Variants in TSNAX observed in about 807,000 individuals in gnomAD.
The protein encoded by TSNAX is translin associated factor X.
A neutral mutation model predicts 33.0 loss-of-function variants in TSNAX; 12 were observed. That is an observed-to-expected ratio of 0.36 (90% CI 0.23 to 0.59). The LOEUF (loss-of-function observed/expected upper bound fraction) is 0.59. Among genes scored for constraint, TSNAX ranks in the 20% least tolerant of loss-of-function variants. The pLI is 0.74. For missense variants in TSNAX, 267 were observed against 341.3 expected (o/e 0.78, Z 1.72); for synonymous variants, 110 against 117.2 (o/e 0.94, Z 0.40).
chr1:231,540,057 C>T (rs956125592), intron 3 of TSNAX, among the ~76,000 whole-genome samples: 1 of 151,572 alleles, frequency 6.6e-6, no homozygotes, highest in African/African-American at 2.4e-5. Context: ...TGGTGGCATC[C>T]CAGCTACTCG....
chr1:231,559,317 T>TTTGTTGTTGTTGTTGTTG (rs71179786), intron 4 of TSNAX, among the ~76,000 whole-genome samples: 4 of 151,328 alleles, frequency 2.6e-5, no homozygotes, highest in Middle Eastern at 3.4e-3. Flanking sequence ...TAGAATATAG[T>TTTGTTGTTGTTGTTGTTG]TTGTTGTTGT....
rs1658505491 is a variant in TSNAX, at chr1:231,529,447, T to A, written c.121+88T>A. ...GCGCAAGAAAACAGTCCCTAAGAAT[T>A]TAATGTGAAACTTTAGCTGGAGGTT... On this transcript the variant is annotated intron_variant, in intron 2 of 5. Transcript: ENST00000366639. 4 of 1,347,180 alleles carry A rather than the reference T, an allele frequency of 3.0e-6. No homozygotes were observed. The African/African-American group carries it at 5.8e-5, about 20-fold the overall frequency. The allele number at this position is 1,347,180 out of a possible 1,614,324, so 83.5% of individuals were successfully genotyped here.
At chr1:231,550,557 G>C (rs969560265) in intron 4 of TSNAX, among the ~76,000 whole-genome samples, 1 of 152,226 alleles carries the variant, frequency 6.6e-6, no homozygotes, top group Non-Finnish European at 1.5e-5. Context: ...GGAAAGAGAA[G>C]TGGCTGTCTC....
intron 4 of TSNAX, among the ~76,000 whole-genome samples, chr1:231,548,619 A>G (rs1660100694): frequency 6.6e-6 from 1 of 152,216 alleles, no homozygotes; most frequent in African/African-American, 2.4e-5. Context: ...GGATGCCTTT[A>G]GGTTTCTGGT....
intron 1 of TSNAX, 24 bp downstream of exon 1, chr1:231,528,850 C>A (rs1157483103): frequency 1.9e-6 from 3 of 1,614,042 alleles, no homozygotes; most frequent in South Asian, 1.1e-5. Flanking sequence ...CAACACGGGG[C>A]GTTATTTATC....
At position 231,561,121 on chromosome 1, in the gene TSNAX, C is replaced by A. The variant is rs1421377532; in HGVS notation, c.368-7C>A. 1 of 1,604,228 alleles carries A rather than the reference C, an allele frequency of 6.2e-7. No homozygotes were observed. Among genetic ancestry groups the A allele is most frequent in the Non-Finnish European group, 8.5e-7 (1 of 1,177,612 alleles). The stretch of plus-strand genomic sequence containing the variant: ...ATTCTTAGTAATTTTCTTTGTCACG[C>A]TTTCAGGACTACAGGAATATGTGGA... On this transcript the variant is annotated splice_polypyrimidine_tract_variant and splice_region_variant and intron_variant, in intron 4 of 5. Transcript: ENST00000366639.
intron 2 of TSNAX, among the ~76,000 whole-genome samples, chr1:231,533,527 T>C (rs1201484827): frequency 1.3e-5 from 2 of 152,214 alleles, no homozygotes; most frequent in African/African-American, 4.8e-5. Flanking sequence ...TGGAGTTAAT[T>C]GCATTAAAAG....
At chr1:231,559,317 T>TTTG (rs71179786) in intron 4 of TSNAX, among the ~76,000 whole-genome samples, 4,102 of 151,306 alleles carry the variant, frequency 0.027, 179 homozygotes, top group African/African-American at 0.092. Context: ...TAGAATATAG[T>TTTG]TTGTTGTTGT....
At chr1:231,536,423 A>G (rs1659175820) in intron 2 of TSNAX, 1 of 152,228 alleles carries the variant, frequency 6.6e-6, no homozygotes, top group African/African-American at 2.4e-5. Flanking sequence ...CTTTTTAAAA[A>G]ATTAAGATAC....
At chr1:231,534,722 C>G (rs1213314833) in intron 2 of TSNAX, 1 of 152,142 alleles carries the variant, frequency 6.6e-6, no homozygotes, top group African/African-American at 2.4e-5. Context: ...GTACGTTTAT[C>G]TCAAACTACA....
At chr1:231,530,964 T>G (rs967201986) in intron 2 of TSNAX, among the ~76,000 whole-genome samples, 7 of 151,180 alleles carry the variant, frequency 4.6e-5, no homozygotes, top group Non-Finnish European at 8.9e-5. Flanking sequence ...TTTTTGGTTT[T>G]TTTTTTTTTT....
At chr1:231,541,833 TG>T (rs1040407652) in intron 3 of TSNAX, among the ~76,000 whole-genome samples, 2 of 152,232 alleles carry the variant, frequency 1.3e-5, no homozygotes, top group Non-Finnish European at 1.5e-5. Context: ...ATGCCTGCAC[TG>T]ATCAGTACTC....
At chr1:231,541,003 A>G (rs1247678780) in intron 3 of TSNAX, among the ~76,000 whole-genome samples, 2 of 152,176 alleles carry the variant, frequency 1.3e-5, no homozygotes, top group Admixed American at 1.3e-4. Context: ...TATATTTAAC[A>G]TGGATTTCTT....
chr1:231,556,790 GAT>G (rs2124935596), intron 4 of TSNAX, among the ~76,000 whole-genome samples: 1 of 152,284 alleles, frequency 6.6e-6, no homozygotes, highest in East Asian at 1.9e-4. Flanking sequence ...CATGCATACA[GAT>G]ATATGTTTAT....
intron 3 of TSNAX, among the ~76,000 whole-genome samples, chr1:231,537,958 G>A (rs182200094): frequency 1.3e-5 from 2 of 152,108 alleles, no homozygotes; most frequent in East Asian, 3.8e-4. Context: ...GTTAAAATCT[G>A]CATAACCTAT....
chr1:231,535,279 G>A (rs560968798), intron 2 of TSNAX: 2 of 152,148 alleles, frequency 1.3e-5, no homozygotes, highest in African/African-American at 2.4e-5. Context: ...TGTAAGTATA[G>A]CTTTGTGTTC....
chr1:231,542,671 A>C, intron 4 of TSNAX, 60 bp downstream of exon 4: 1 of 1,530,430 alleles, frequency 6.5e-7, no homozygotes, highest in Non-Finnish European at 8.8e-7. Flanking sequence ...CATGATTAAC[A>C]TGTGAGTTGC....
rs1320302926 is a variant in TSNAX at position 231,566,277 on chromosome 1, T to G, written c.*1372T>G. 6.6e-6 allele frequency: 1 copy of G among 152,588 alleles called. No individual in the cohort carries two copies. The highest frequency in any genetic ancestry group is 2.4e-5 in the African/African-American group (1 of 41,442). 9.5% of individuals were successfully genotyped at this position (152,588 alleles called of 1,614,324 possible). A position where few individuals can be genotyped will look rare whatever the true frequency, so the allele number is the denominator to read the frequency against. On this transcript the variant is annotated 3_prime_UTR_variant, in exon 6 of 6. Transcript: ENST00000366639. ...TTGTCAACACAGTTGAGAATAACAATGGTAATCGTTAGTAATATTTAGAAT... is the reference window on the plus strand; with the variant it reads ...TTGTCAACACAGTTGAGAATAACAAGGGTAATCGTTAGTAATATTTAGAAT...
chr1:231,560,921 A>G (rs1174830156), intron 4 of TSNAX, among the ~76,000 whole-genome samples: 1 of 152,056 alleles, frequency 6.6e-6, no homozygotes, highest in Admixed American at 6.5e-5. Flanking sequence ...TGGCCTTTTA[A>G]AGTGCTGGGA....
Sources: allele counts gnomAD v4.1 joint callset (sites outside exome capture counted in the v4.1 genomes callset), GRCh38; gene constraint gnomAD v4.1.1; transcripts MANE v1.5; gene names NCBI Gene and HGNC (gene_info 2026-07-23, HGNC 2026-07-21).